EDA: variants seen among roughly 807,000 people sequenced by gnomAD.
EDA encodes the protein ectodysplasin-A.
EDA carries 2 observed loss-of-function variants against 23.6 expected under a neutral mutation model. The ratio of observed to expected loss-of-function variants is 0.08; its 90% CI spans 0.03 to 0.27. EDA has a LOEUF of 0.27. EDA is among the 10% of genes least tolerant of loss of function. The pLI is 1.00. For missense variants in EDA, 229 were observed against 324.2 expected (o/e 0.71, Z 2.26); for synonymous variants, 131 against 132.0 (o/e 0.99, Z 0.05).
chrX:69,738,739 C>A (rs1003331414), intron 1 of EDA, among the ~76,000 whole-genome samples: 2 of 109,197 alleles, frequency 1.8e-5, no homozygotes, highest in Non-Finnish European at 3.8e-5. Flanking sequence ...TGATTTTTTT[C>A]ATTGACCTAT....
intron 1 of EDA, among the ~76,000 whole-genome samples, chrX:69,678,872 T>C (rs1391695377): frequency 2.3e-5 from 2 of 87,287 alleles, no homozygotes; most frequent in Non-Finnish European, 4.3e-5. Flanking sequence ...TGAATAGGAG[T>C]GGTGAGAGGG....
At position 69,717,724 on chromosome X, in the gene EDA, T is replaced by G. The variant is rs772260375; in HGVS notation, c.396+101020T>G. Among the ~76,000 whole-genome samples the G allele has an allele frequency of 2.7e-5, 3 of 110,499 alleles. No individual in the cohort carries two copies. The East Asian group carries it at 8.6e-4, about 32-fold the overall frequency. On this transcript the variant is annotated intron_variant, in intron 1 of 7. Transcript: ENST00000374552. Reference sequence around the variant, plus strand: ...TTAGTAGAGACAGGGTTTCACTGTGTTAGCCAGGATAGTCTTGATCTCCTG... The same window carrying G: ...TTAGTAGAGACAGGGTTTCACTGTGGTAGCCAGGATAGTCTTGATCTCCTG...
chrX:69,836,802 C>A (rs1041302004), intron 1 of EDA, among the ~76,000 whole-genome samples: 1 of 111,633 alleles, frequency 9.0e-6, no homozygotes, highest in African/African-American at 3.3e-5. Context: ...CAGAAATCAC[C>A]CATCTTCTGC....
At chrX:69,877,743 C>T (rs2017669188) in intron 1 of EDA, among the ~76,000 whole-genome samples, 1 of 112,140 alleles carries the variant, frequency 8.9e-6, no homozygotes, top group African/African-American at 3.2e-5. Context: ...AAATCTCTCC[C>T]AAACCCAAGG....
chrX:69,940,240 G>A (rs1371798114), intron 1 of EDA, among the ~76,000 whole-genome samples: 1 of 110,974 alleles, frequency 9.0e-6, no homozygotes, highest in African/African-American at 3.3e-5. Context: ...GCTGAGAGAT[G>A]TTTTATTACA....
At chrX:69,686,306 A>G (rs958419069) in intron 1 of EDA, among the ~76,000 whole-genome samples, 1 of 112,609 alleles carries the variant, frequency 8.9e-6, no homozygotes, top group Admixed American at 9.4e-5. Context: ...CTGAAATGGC[A>G]TTTCTTTCTC....
chrX:69,969,059 C>T (rs961004392), intron 2 of EDA, among the ~76,000 whole-genome samples: 23 of 111,947 alleles, frequency 2.1e-4, no homozygotes, highest in African/African-American at 7.1e-4. Context: ...CTATATACTG[C>T]GAGCCAGAGG....
At chrX:69,821,320 A>T (rs1029378145) in intron 1 of EDA, among the ~76,000 whole-genome samples, 1 of 110,042 alleles carries the variant, frequency 9.1e-6, no homozygotes, top group African/African-American at 3.3e-5. Context: ...TTATGGGATG[A>T]TCTGTGCAGC....
chrX:69,701,682 G>T (rs2011537923), intron 1 of EDA, among the ~76,000 whole-genome samples: 1 of 111,508 alleles, frequency 9.0e-6, no homozygotes, highest in Non-Finnish European at 1.9e-5. Flanking sequence ...GGTCTAGGTT[G>T]GTATACTTTC....
intron 1 of EDA, among the ~76,000 whole-genome samples, chrX:69,831,740 T>G (rs1209753168): frequency 8.9e-6 from 1 of 112,407 alleles, no homozygotes; most frequent in Non-Finnish European, 1.9e-5. Context: ...CATTCTAACT[T>G]GCATGAGATG....
chrX:69,996,104 A>C (rs1467071193), intron 2 of EDA, among the ~76,000 whole-genome samples: 2 of 112,575 alleles, frequency 1.8e-5, no homozygotes, highest in Non-Finnish European at 3.8e-5. Flanking sequence ...AGAGTAGAGA[A>C]AAAGGGTGGA....
chrX:69,934,642 G>A (rs1480716653), intron 1 of EDA, among the ~76,000 whole-genome samples: 1 of 110,352 alleles, frequency 9.1e-6, no homozygotes, highest in Non-Finnish European at 1.9e-5. Flanking sequence ...ATTTTTGTGA[G>A]TACATAGTAG....
At chrX:69,905,561 T>A (rs2018165044) in intron 1 of EDA, among the ~76,000 whole-genome samples, 1 of 111,672 alleles carries the variant, frequency 9.0e-6, no homozygotes, top group African/African-American at 3.3e-5. Context: ...ATGTTATGAT[T>A]GTAACTCTAG....
chrX:69,632,591 A>C (rs774473562), intron 1 of EDA, among the ~76,000 whole-genome samples: 1 of 112,009 alleles, frequency 8.9e-6, no homozygotes, highest in East Asian at 2.8e-4. Flanking sequence ...CTGTACTCTC[A>C]CTTTGGTCCT....
intron 1 of EDA, among the ~76,000 whole-genome samples, chrX:69,825,639 C>A (rs1434372367): frequency 8.8e-6 from 1 of 113,372 alleles, no homozygotes; most frequent in African/African-American, 3.2e-5. Flanking sequence ...TTGATCCTCT[C>A]AAAAACCCAG....
intron 1 of EDA, among the ~76,000 whole-genome samples, chrX:69,755,793 C>T (rs775276865): frequency 3.1e-3 from 354 of 112,594 alleles, no homozygotes; most frequent in Non-Finnish European, 5.7e-3. Context: ...CTCGCTGCCA[C>T]CTTGCAGTTC....
At chrX:69,923,718 T>C (rs977838184) in intron 1 of EDA, among the ~76,000 whole-genome samples, 1 of 111,747 alleles carries the variant, frequency 8.9e-6, no homozygotes, top group African/African-American at 3.3e-5. Flanking sequence ...AATGGTATTT[T>C]TGGTTCTAGA....
intron 1 of EDA, among the ~76,000 whole-genome samples, chrX:69,907,162 A>G (rs1005458099): frequency 8.9e-6 from 1 of 111,983 alleles, no homozygotes; most frequent in African/African-American, 3.2e-5. Context: ...GAAATTAGGG[A>G]AATGAAAGAT....
At chrX:70,033,596 G>A in intron 7 of EDA, 68 bp downstream of exon 7, 1 of 1,162,927 alleles carries the variant, frequency 8.6e-7, no homozygotes, top group Non-Finnish European at 1.2e-6. Flanking sequence ...CCACATAGGG[G>A]CACTGTGGAG....
Sources: allele counts gnomAD v4.1 joint callset (sites outside exome capture counted in the v4.1 genomes callset), GRCh38; gene constraint gnomAD v4.1.1; transcripts MANE v1.5; gene names NCBI Gene and HGNC (gene_info 2026-07-23, HGNC 2026-07-21).